Variants in GRIK1 observed in about 807,000 individuals in gnomAD.
GRIK1 encodes the protein glutamate receptor ionotropic, kainate 1.
Under a neutral mutation model 105.7 loss-of-function variants are expected in GRIK1, and 69 were observed. That is an observed-to-expected ratio of 0.65 (90% confidence interval 0.54 to 0.80). The LOEUF (loss-of-function observed/expected upper bound fraction) is 0.80. GRIK1 is among the 30% of genes least tolerant of loss of function. GRIK1 has a pLI of 0.00. For synonymous variants in GRIK1, 438 were observed against 431.3 expected (o/e 1.02, Z -0.19); for missense variants, 1,109 against 1,167.3 (o/e 0.95, Z 0.73).
In GRIK1 at chr21:29,689,788, G is replaced by A; in HGVS notation, c.484C>T (p.Leu162=). The change falls in exon 3 of 18, where the codon CTG becomes TTG. Residue 162 remains leucine (L), a synonymous_variant. Coordinates refer to ENST00000327783, the MANE Select transcript of GRIK1 (RefSeq NM_001330994.2). ...CAGTTGTAATAGAGGACCAGATCCAGGATCGCCCTGCTGATAGCTGCATAA... is the reference window on the plus strand; with the variant it reads ...CAGTTGTAATAGAGGACCAGATCCAAGATCGCCCTGCTGATAGCTGCATAA... ...PDYAAISRAI[L]DLVLYYNWKT... is the part of the protein sequence containing the mutation. The A allele has an allele frequency of 6.2e-7, 1 of 1,613,826 alleles. No individual in the cohort carries two copies. The highest frequency in any genetic ancestry group is 2.2e-5 in the East Asian group (1 of 44,890).
At chr21:29,571,000 A>G (rs2090733455) in intron 14 of GRIK1, among the ~76,000 whole-genome samples, 1 of 152,182 alleles carries the variant, frequency 6.6e-6, no homozygotes, top group Non-Finnish European at 1.5e-5. Flanking sequence ...ATGACCCTGA[A>G]GGAAAACTGC....
intron 6 of GRIK1, 152 bp from the exon 7 acceptor site, chr21:29,643,121 T>C (rs556943784): frequency 3.1e-6 from 2 of 651,126 alleles, no homozygotes; most frequent in South Asian, 4.1e-5. Context: ...CTCCAATAGC[T>C]ATTTTTCTCC....
At chr21:29,538,131 A>G (rs548215126) in intron 16 of GRIK1, among the ~76,000 whole-genome samples, 110 of 152,342 alleles carry the variant, frequency 7.2e-4, no homozygotes, top group Non-Finnish European at 1.0e-3. Flanking sequence ...GTTCACATGC[A>G]TAGTACATAA....
intron 1 of GRIK1, among the ~76,000 whole-genome samples, chr21:29,718,081 G>GC (rs2064222877): frequency 6.6e-6 from 1 of 152,124 alleles, no homozygotes; most frequent in African/African-American, 2.4e-5. Context: ...TGTGTTTGCT[G>GC]CCCCTTCCAC....
chr21:29,621,142 C>T (rs1336553822), intron 7 of GRIK1, among the ~76,000 whole-genome samples: 1 of 151,894 alleles, frequency 6.6e-6, no homozygotes, highest in East Asian at 1.9e-4. Flanking sequence ...AGAAGAAAGC[C>T]AGCCTTCAAA....
intron 6 of GRIK1, among the ~76,000 whole-genome samples, chr21:29,647,953 T>G (rs2062652578): frequency 6.6e-6 from 1 of 152,222 alleles, no homozygotes; most frequent in South Asian, 2.1e-4. Context: ...ATTTTTTTCT[T>G]TAATTAATTC....
intron 1 of GRIK1, among the ~76,000 whole-genome samples, chr21:29,803,047 A>C (rs183062892): frequency 6.6e-6 from 1 of 152,058 alleles, no homozygotes; most frequent in Non-Finnish European, 1.5e-5. Context: ...ATAATGCTGT[A>C]GTTTTTTTTC....
chr21:29,694,971 CT>C lies in GRIK1; in HGVS notation c.119-909del, dbSNP rs536126949. Among the ~76,000 whole-genome samples the C allele has an allele frequency of 1.3e-3, 200 of 152,038 alleles. 4 individuals carry two copies. The highest frequency in any genetic ancestry group is 3.4e-3 in the Middle Eastern group (1 of 294). ...AGAACTGGTTTTTTTTCTTTCTTTTCTTTTTTTCTTTCTTTCTTTTCCTTTT... is the reference window on the plus strand; with the variant it reads ...AGAACTGGTTTTTTTTCTTTCTTTTCTTTTTTCTTTCTTTCTTTTCCTTTT... On this transcript the variant is annotated intron_variant, in intron 1 of 17. Transcript: ENST00000327783.
intron 1 of GRIK1, among the ~76,000 whole-genome samples, chr21:29,826,238 A>G (rs1341901566): frequency 6.6e-6 from 1 of 152,042 alleles, no homozygotes; most frequent in Non-Finnish European, 1.5e-5. Flanking sequence ...CACTACTGTT[A>G]ATCTCCATCT....
chr21:29,593,789 T>G (rs1478078127), intron 9 of GRIK1, among the ~76,000 whole-genome samples: 1 of 152,254 alleles, frequency 6.6e-6, no homozygotes, highest in African/African-American at 2.4e-5. Flanking sequence ...TATTTGAAAC[T>G]GACAGTGTTC....
intron 5 of GRIK1, among the ~76,000 whole-genome samples, chr21:29,652,002 G>A (rs534414218): frequency 6.6e-6 from 1 of 152,246 alleles, no homozygotes; most frequent in African/African-American, 2.4e-5. Context: ...TTGCAGTACT[G>A]TTAGAGTTTA....
At chr21:29,923,799 G>C (rs1042575596) in intron 1 of GRIK1, among the ~76,000 whole-genome samples, 5 of 152,172 alleles carry the variant, frequency 3.3e-5, no homozygotes, top group Non-Finnish European at 2.9e-5. Flanking sequence ...AGTCCCGTTA[G>C]ATAAAATAGG....
chr21:29,773,590 G>T (rs1270779698), intron 1 of GRIK1, among the ~76,000 whole-genome samples: 3 of 152,000 alleles, frequency 2.0e-5, no homozygotes, highest in Non-Finnish European at 4.4e-5. Flanking sequence ...GCAGTAACTA[G>T]ATCATCCCGC....
At chr21:29,817,137 G>T (rs2067175312) in intron 1 of GRIK1, among the ~76,000 whole-genome samples, 1 of 152,072 alleles carries the variant, frequency 6.6e-6, no homozygotes, top group African/African-American at 2.4e-5. Flanking sequence ...AGAAGAATGG[G>T]GACACATTGG....
At position 29,560,388 on chromosome 21, in the gene GRIK1, CCTTCCTTCCTTCCTTTCTTTCTTTCTTT is replaced by C. The variant is rs1233614319; in HGVS notation, c.2356+1208_2356+1235del. On this transcript the variant is annotated intron_variant, in intron 15 of 17. Coordinates refer to ENST00000327783, the MANE Select transcript of GRIK1 (RefSeq NM_001330994.2). The stretch of plus-strand genomic sequence containing the variant: ...TTCTTCCTTCCTTCCTTCCTTCCTT[CCTTCCTTCCTTCCTTTCTTTCTTTCTTT>C]CTTTCTTTCTTTCTTTCTTTCTTTT... Among the ~76,000 whole-genome samples, 13 of 43,588 alleles carry C rather than the reference CCTTCCTTCCTTCCTTTCTTTCTTTCTTT, an allele frequency of 3.0e-4. 1 individual carries two copies. Among genetic ancestry groups the C allele is most frequent in the Non-Finnish European group, 4.6e-4 (11 of 23,822 alleles). 28.6% of individuals were successfully genotyped at this position (43,588 alleles called of 152,430 possible). A position where few individuals can be genotyped will look rare whatever the true frequency, so the allele number is the denominator to read the frequency against.
intron 1 of GRIK1, among the ~76,000 whole-genome samples, chr21:29,901,679 G>A (rs755285442): frequency 6.6e-6 from 1 of 152,086 alleles, no homozygotes; most frequent in African/African-American, 2.4e-5. Context: ...AAAAAGTCCA[G>A]GACAAGACGG....
At chr21:29,680,632 C>A (rs1450265577) in intron 3 of GRIK1, among the ~76,000 whole-genome samples, 1 of 152,172 alleles carries the variant, frequency 6.6e-6, no homozygotes, top group Non-Finnish European at 1.5e-5. Flanking sequence ...ATAAACAATT[C>A]ATAAGTTTTC....
intron 1 of GRIK1, among the ~76,000 whole-genome samples, chr21:29,734,075 A>G (rs1436236069): frequency 6.6e-6 from 1 of 152,200 alleles, no homozygotes; most frequent in Non-Finnish European, 1.5e-5. Context: ...TGAAAATTTA[A>G]CAGTTGGCTC....
intron 7 of GRIK1, among the ~76,000 whole-genome samples, chr21:29,605,050 AT>A (rs960879066): frequency 1.2e-4 from 18 of 151,734 alleles, no homozygotes; most frequent in East Asian, 1.9e-4. Flanking sequence ...CTGAAAGGGA[AT>A]TTTTTTTTCT....
Sources: gnomAD v4.1 joint callset for allele counts (sites outside exome capture counted in the v4.1 genomes callset) on GRCh38, gnomAD v4.1.1 for gene constraint, MANE v1.5 for transcripts, NCBI Gene and HGNC (gene_info 2026-07-23, HGNC 2026-07-21) for gene names.